SIGLEC15: variants seen among roughly 807,000 people sequenced by gnomAD.
SIGLEC15 encodes the protein sialic acid-binding Ig-like lectin 15.
SIGLEC15 carries 31 observed loss-of-function variants against 26.2 expected under a neutral mutation model. That is an observed-to-expected ratio of 1.18 (90% CI 0.89 to 1.60). The LOEUF (loss-of-function observed/expected upper bound fraction) is 1.60. Ranked by LOEUF, SIGLEC15 falls within the 40% of genes most tolerant of loss-of-function variation. SIGLEC15 has a pLI of 0.00. For missense variants in SIGLEC15, 501 were observed against 488.4 expected, an observed-to-expected ratio of 1.03 and a Z score of -0.24; for synonymous variants, 207 against 221.9, an observed-to-expected ratio of 0.93 and a Z score of 0.60.
intron 2 of SIGLEC15, 51 bp downstream of exon 2, chr18:45,837,139 T>C: frequency 6.2e-7 from 1 of 1,606,202 alleles, no homozygotes; most frequent in Non-Finnish European, 8.5e-7. Flanking sequence ...GAGTCTGTTT[T>C]AACCACGAGA....
At chr18:45,841,480 G>A (rs1292983921) in intron 5 of SIGLEC15, among the ~76,000 whole-genome samples, 2 of 152,306 alleles carry the variant, frequency 1.3e-5, no homozygotes, top group Middle Eastern at 3.4e-3. Context: ...CGGACGCATG[G>A]CTCCATCAGA....
intron 2 of SIGLEC15, 100 bp from the exon 3 acceptor site, chr18:45,837,413 G>A: frequency 7.3e-7 from 1 of 1,376,858 alleles, no homozygotes; most frequent in Non-Finnish European, 9.4e-7. Flanking sequence ...CCAGGCTAGG[G>A]GTTGGGGGAG....
intron 4 of SIGLEC15, among the ~76,000 whole-genome samples, chr18:45,839,448 G>A (rs2048306740): frequency 6.6e-6 from 1 of 152,142 alleles, no homozygotes; most frequent in Non-Finnish European, 1.5e-5. Context: ...AAATAGCACC[G>A]TTCCTGAGGA....
At chr18:45,839,528 G>A (rs560919782) in intron 4 of SIGLEC15, among the ~76,000 whole-genome samples, 57 of 152,268 alleles carry the variant, frequency 3.7e-4, no homozygotes, top group African/African-American at 1.1e-3. Flanking sequence ...CCTGCAGTGC[G>A]TGCTGAGCGG....
At chr18:45,835,111 T>C (rs992712022) in intron 1 of SIGLEC15, among the ~76,000 whole-genome samples, 15 of 149,482 alleles carry the variant, frequency 1.0e-4, no homozygotes, top group Admixed American at 8.0e-4. Flanking sequence ...TAAAAGCAGG[T>C]TGTATGAAAA....
At chr18:45,841,784 T>C (rs1308836180) in intron 5 of SIGLEC15, among the ~76,000 whole-genome samples, 1 of 152,178 alleles carries the variant, frequency 6.6e-6, no homozygotes, top group African/African-American at 2.4e-5. Context: ...CACTGAGATG[T>C]CCTAGGGGAA....
At chr18:45,830,627 C>T (rs1461761223) in intron 1 of SIGLEC15, among the ~76,000 whole-genome samples, 2 of 123,390 alleles carry the variant, frequency 1.6e-5, no homozygotes, top group Non-Finnish European at 1.6e-5. Flanking sequence ...GCTCTGTCAC[C>T]CAGGCTGGAG....
intron 1 of SIGLEC15, among the ~76,000 whole-genome samples, chr18:45,836,356 A>G (rs2048275855): frequency 1.3e-5 from 2 of 152,148 alleles, no homozygotes; most frequent in South Asian, 4.1e-4. Context: ...TGGAACTACA[A>G]GAGCTGCCGT....
intron 1 of SIGLEC15, among the ~76,000 whole-genome samples, chr18:45,830,410 G>A (rs192314649): frequency 7.9e-5 from 12 of 152,234 alleles, no homozygotes; most frequent in Admixed American, 2.6e-4. Flanking sequence ...GCTAATGCCC[G>A]ATGCGGCAGC....
intron 1 of SIGLEC15, among the ~76,000 whole-genome samples, chr18:45,835,568 G>A (rs2048270165): frequency 1.3e-5 from 2 of 152,144 alleles, no homozygotes; most frequent in African/African-American, 2.4e-5. Flanking sequence ...TTTCGTAGAG[G>A]TCAGTCACTC....
chr18:45,826,725 C>T (rs979851927), intron 1 of SIGLEC15, among the ~76,000 whole-genome samples: 2 of 152,282 alleles, frequency 1.3e-5, no homozygotes, highest in East Asian at 1.9e-4. Context: ...GGTCCTGGCT[C>T]CATAACTGGA....
chr18:45,834,769 G>A (rs952073871), intron 1 of SIGLEC15, among the ~76,000 whole-genome samples: 11 of 152,236 alleles, frequency 7.2e-5, no homozygotes, highest in African/African-American at 2.7e-4. Context: ...ATTGATGAAT[G>A]CACGATAGCA....
rs1458557392 is a variant in SIGLEC15 at position 45,839,077 on chromosome 18, G to C, written c.856G>C (p.Ala286Pro). The C allele has an allele frequency of 2.8e-6, 4 of 1,433,496 alleles. No individual in the cohort carries two copies. Among genetic ancestry groups the C allele is most frequent in the Non-Finnish European group, 2.7e-6 (3 of 1,104,788 alleles). The allele number at this position is 1,433,496 out of a possible 1,614,324, so 88.8% of individuals were successfully genotyped here. The change falls in exon 4 of 6, where the codon GCT (alanine) becomes CCT (proline). Residue 286 changes from alanine (A) to proline (P), a missense_variant. Transcript: ENST00000389474. ...GCTGCTCGGGGTCCTGGCCGCCCGC[G>C]CTGCCCGCCGCCGCCCAGGTGGGTG... ...LLLLGVLAAR[A>P]ARRRPEHLDT...
chr18:45,827,117 C>T (rs1001119943), intron 1 of SIGLEC15, among the ~76,000 whole-genome samples: 1 of 152,194 alleles, frequency 6.6e-6, no homozygotes, highest in South Asian at 2.1e-4. Context: ...AATTTTGCCA[C>T]GTTGTCCAGC....
intron 1 of SIGLEC15, among the ~76,000 whole-genome samples, chr18:45,832,860 TC>T (rs1339669515): frequency 6.6e-6 from 1 of 152,166 alleles, no homozygotes; most frequent in Admixed American, 6.5e-5. Flanking sequence ...GCTGAGTCTT[TC>T]CCACCCTCAC....
chr18:45,837,782 C>T lies in SIGLEC15; in HGVS notation c.382C>T (p.Arg128Cys), dbSNP rs1303956994. Residue 128 changes from arginine to cysteine, a missense_variant, in exon 3 of 6, where the codon CGC becomes TGC. By Grantham distance (180) the Arg-to-Cys change is radical. Transcript: ENST00000389474. Reference protein sequence around the residue: ...GNPRRNDLSLRVERLALADDR... With the variant: ...GNPRRNDLSLCVERLALADDR... ...CCCGCGCCGCAACGACCTCTCGCTG[C>T]GCGTCGAGCGCCTCGCCCTGGCTGA... 2.6e-6 allele frequency: 4 copies of T among 1,523,762 alleles called. No homozygotes were observed. Among genetic ancestry groups the T allele is most frequent in the Non-Finnish European group, 3.5e-6 (4 of 1,144,244 alleles). The allele number at this position is 1,523,762 out of a possible 1,614,324, so 94.4% of individuals were successfully genotyped here. A position where few individuals can be genotyped will look rare whatever the true frequency, so the allele number is the denominator to read the frequency against.
intron 1 of SIGLEC15, among the ~76,000 whole-genome samples, chr18:45,831,964 T>C (rs902391578): frequency 1.2e-4 from 19 of 152,196 alleles, no homozygotes; most frequent in African/African-American, 4.6e-4. Context: ...ATTCCTGACC[T>C]CAGGTGATCC....
rs1331456610 is a variant in SIGLEC15, at chr18:45,842,934, T to C, written c.*747T>C. 6.6e-6 allele frequency: 1 copy of C among 152,448 alleles called. No individual in the cohort carries two copies. Among genetic ancestry groups the C allele is most frequent in the Admixed American group, 6.5e-5 (1 of 15,286 alleles). 9.4% of individuals were successfully genotyped at this position (152,448 alleles called of 1,614,324 possible). ...AGAGGAACATCAAATCCTGGAAACT[T>C]GGTGGCAGGGAGAGGCCTGGGGCCT... On this transcript the variant is annotated 3_prime_UTR_variant, in exon 6 of 6. Coordinates refer to ENST00000389474, the MANE Select transcript of SIGLEC15 (RefSeq NM_213602.3).
chr18:45,826,544 G>A (rs542728643), intron 1 of SIGLEC15, among the ~76,000 whole-genome samples: 1 of 152,158 alleles, frequency 6.6e-6, no homozygotes, highest in Admixed American at 6.5e-5. Context: ...GCATTTGAGG[G>A]CACCTGGGAT....
Sources: allele counts gnomAD v4.1 joint callset (sites outside exome capture counted in the v4.1 genomes callset), GRCh38; gene constraint gnomAD v4.1.1; transcripts MANE v1.5; gene names NCBI Gene and HGNC (gene_info 2026-07-23, HGNC 2026-07-21).